Variants in CNBD1 observed in about 807,000 individuals in gnomAD.
CNBD1 encodes the protein cyclic nucleotide binding domain containing 1, also known as cyclic nucleotide-binding domain-containing protein 1.
In CNBD1, 71 loss-of-function variants were observed where a neutral mutation model predicts 54.4. The ratio of observed to expected loss-of-function variants is 1.30; its 90% CI spans 1.08 to 1.59. The LOEUF (loss-of-function observed/expected upper bound fraction) is 1.59, where lower values mean the gene tolerates loss of function less well. Among genes scored for constraint, CNBD1 ranks in the 40% most tolerant of loss-of-function variants. The pLI is 0.00. For synonymous variants in CNBD1, 182 were observed against 170.7 expected (o/e 1.07, Z -0.51); for missense variants, 659 against 518.0 (o/e 1.27, Z -2.64).
chr8:87,308,985 C>T lies in CNBD1; in HGVS notation c.1042+22314C>T, dbSNP rs184595457. ...GCATGCCACATTTTCTTTATCCATT[C>T]ATTTCTTGATGGACATTTACATAGA... On this transcript the variant is annotated intron_variant, in intron 8 of 10. Transcript: ENST00000518476. Among the ~76,000 whole-genome samples, 481 of 152,212 alleles carry T rather than the reference C, an allele frequency of 3.2e-3. 2 individuals carry two copies. Among genetic ancestry groups the T allele is most frequent in the African/African-American group, 0.011 (454 of 41,546 alleles).
intron 9 of CNBD1, among the ~76,000 whole-genome samples, chr8:87,353,107 A>G (rs928448143): frequency 6.6e-6 from 1 of 152,180 alleles, no homozygotes; most frequent in African/African-American, 2.4e-5. Flanking sequence ...ATTTGAACCA[A>G]AATTATAGTT....
intron 4 of CNBD1, among the ~76,000 whole-genome samples, chr8:87,048,941 G>T (rs2130620858): frequency 6.6e-6 from 1 of 152,358 alleles, no homozygotes; most frequent in African/African-American, 2.4e-5. Context: ...TAGGTGAAAG[G>T]TTTGGTGAAG....
chr8:87,266,642 G>T (rs535274208), intron 6 of CNBD1, among the ~76,000 whole-genome samples: 1 of 151,492 alleles, frequency 6.6e-6, no homozygotes, highest in East Asian at 2.0e-4. Flanking sequence ...TAGAGAAGGG[G>T]TTTCTCTCCA....
At chr8:87,075,916 T>C (rs2130658212) in intron 4 of CNBD1, among the ~76,000 whole-genome samples, 1 of 152,330 alleles carries the variant, frequency 6.6e-6, no homozygotes, top group South Asian at 2.1e-4. Context: ...ATCTTTTTAT[T>C]TTTGTCTTTA....
intron 2 of CNBD1, among the ~76,000 whole-genome samples, chr8:87,387,934 A>T (rs1035337791): frequency 6.6e-6 from 1 of 152,160 alleles, no homozygotes; most frequent in African/African-American, 2.4e-5. Flanking sequence ...TCAAACTAGA[A>T]CTCAGGATTA....
At chr8:87,129,225 A>C (rs1366162521) in intron 4 of CNBD1, among the ~76,000 whole-genome samples, 1 of 151,968 alleles carries the variant, frequency 6.6e-6, no homozygotes, top group Non-Finnish European at 1.5e-5. Flanking sequence ...GTCCTGAAAT[A>C]ATTTTAGTAA....
chr8:87,036,430 T>C (rs1422210803), intron 4 of CNBD1, among the ~76,000 whole-genome samples: 1 of 151,722 alleles, frequency 6.6e-6, no homozygotes, highest in East Asian at 1.9e-4. Flanking sequence ...CCATCTCTAC[T>C]GAAAATACAA....
At chr8:87,296,950 C>T (rs1054409116) in intron 8 of CNBD1, among the ~76,000 whole-genome samples, 4 of 151,754 alleles carry the variant, frequency 2.6e-5, no homozygotes, top group African/African-American at 9.7e-5. Flanking sequence ...CCGAGGCGGG[C>T]GGATCACGAA....
intron 4 of CNBD1, among the ~76,000 whole-genome samples, chr8:87,161,443 C>G (rs1301499082): frequency 2.0e-5 from 3 of 152,052 alleles, no homozygotes; most frequent in Admixed American, 1.3e-4. Flanking sequence ...CTGTTCTACA[C>G]TTCTTAATAA....
At chr8:87,343,723 T>A (rs149233779) in intron 8 of CNBD1, among the ~76,000 whole-genome samples, 30 of 152,184 alleles carry the variant, frequency 2.0e-4, no homozygotes, top group Non-Finnish European at 2.2e-4. Flanking sequence ...GTAATCATTT[T>A]AAAAAATATT....
chr8:87,385,052 T>C (rs1178534450), downstream of CNBD1, among the ~76,000 whole-genome samples: 1 of 152,152 alleles, frequency 6.6e-6, no homozygotes, highest in Non-Finnish European at 1.5e-5. Context: ...TTGGGTTCTA[T>C]ATGCAAAATA....
intron 8 of CNBD1, among the ~76,000 whole-genome samples, chr8:87,302,447 G>T (rs1326791788): frequency 1.6e-5 from 2 of 128,266 alleles, no homozygotes; most frequent in African/African-American, 5.7e-5. Context: ...AACCCTTCAT[G>T]CTAAAAACTC....
At chr8:87,252,430 C>T (rs1173986671) in intron 6 of CNBD1, among the ~76,000 whole-genome samples, 1 of 152,130 alleles carries the variant, frequency 6.6e-6, no homozygotes, top group Non-Finnish European at 1.5e-5. Context: ...CATATCTACA[C>T]TCTGTAAACT....
chr8:86,969,674 A>G (rs771609861), intron 4 of CNBD1, among the ~76,000 whole-genome samples: 28 of 151,930 alleles, frequency 1.8e-4, no homozygotes, highest in Non-Finnish European at 3.8e-4. Flanking sequence ...ATATTATAAT[A>G]TTACCTATTA....
intron 4 of CNBD1, among the ~76,000 whole-genome samples, chr8:87,162,694 G>A (rs1260026130): frequency 1.3e-5 from 2 of 152,046 alleles, no homozygotes; most frequent in Non-Finnish European, 2.9e-5. Flanking sequence ...GCCTGGTGAA[G>A]GCCTGATCTC....
chr8:87,303,032 A>C (rs1206043642), intron 8 of CNBD1, among the ~76,000 whole-genome samples: 2 of 151,870 alleles, frequency 1.3e-5, no homozygotes, highest in East Asian at 3.9e-4. Context: ...GGGTAGGAAG[A>C]ATCAATATCG....
At chr8:87,149,594 T>G (rs1812560415) in intron 4 of CNBD1, among the ~76,000 whole-genome samples, 1 of 152,132 alleles carries the variant, frequency 6.6e-6, no homozygotes, top group South Asian at 2.1e-4. Flanking sequence ...TAAACATGTT[T>G]AAATTTCAGG....
intron 10 of CNBD1, 125 bp downstream of exon 10, chr8:87,353,911 G>A (rs1810362019): frequency 1.6e-6 from 1 of 626,644 alleles, no homozygotes; most frequent in African/African-American, 1.9e-5. Context: ...GCAAAGGATG[G>A]AGTATTTGCA....
At chr8:86,969,822 A>G (rs1005158296) in intron 4 of CNBD1, among the ~76,000 whole-genome samples, 2 of 148,396 alleles carry the variant, frequency 1.3e-5, no homozygotes, top group Non-Finnish European at 3.0e-5. Context: ...ACACACACAC[A>G]TATATATAGT....
Sources: allele counts gnomAD v4.1 joint callset (sites outside exome capture counted in the v4.1 genomes callset), GRCh38; gene constraint gnomAD v4.1.1; transcripts MANE v1.5; gene names NCBI Gene and HGNC (gene_info 2026-07-23, HGNC 2026-07-21).